The following UTRN variants were observed in gnomAD, a reference collection of about 807,000 sequenced individuals.
UTRN encodes the protein utrophin, also known as dystrophin-related protein 1.
A neutral mutation model predicts 463.9 loss-of-function variants in UTRN; 283 were observed. The observed-to-expected ratio is 0.61, with a 90% CI of 0.55 to 0.67. The LOEUF (loss-of-function observed/expected upper bound fraction) is 0.67, where lower values mean the gene tolerates loss of function less well. Among genes scored for constraint, UTRN ranks in the 30% least tolerant of loss-of-function variants. UTRN has a pLI of 0.00. For synonymous variants in UTRN, 1,442 were observed against 1,431.5 expected, an observed-to-expected ratio of 1.01 and a Z score of -0.17; for missense variants, 3,922 against 4,084.3, an observed-to-expected ratio of 0.96 and a Z score of 1.08.
chr6:144,602,571 A>G (rs1804372701), intron 51 of UTRN, among the ~76,000 whole-genome samples: 1 of 152,194 alleles, frequency 6.6e-6, no homozygotes. Context: ...ATACTTATTT[A>G]CCCAGTTTTA....
chr6:144,544,788 T>C (rs1414329001), intron 46 of UTRN, among the ~76,000 whole-genome samples: 1 of 152,134 alleles, frequency 6.6e-6, no homozygotes, highest in Non-Finnish European at 1.5e-5. Flanking sequence ...ACTTCCTTCC[T>C]ATTCAGTGAA....
intron 58 of UTRN, among the ~76,000 whole-genome samples, chr6:144,768,095 C>T (rs1234343991): frequency 6.6e-6 from 1 of 152,144 alleles, no homozygotes; most frequent in Non-Finnish European, 1.5e-5. Flanking sequence ...CAAGATTTTA[C>T]CAGCCTATCA....
intron 49 of UTRN, among the ~76,000 whole-genome samples, 198 bp downstream of exon 49, chr6:144,555,091 T>C (rs1408940124): frequency 6.6e-6 from 1 of 152,166 alleles, no homozygotes; most frequent in East Asian, 1.9e-4. Context: ...AGTAAGAATA[T>C]GCATGTCTCC....
In UTRN at chr6:144,526,900, A is replaced by G. The variant is rs545441427; in HGVS notation, c.5906+3712A>G. Among the ~76,000 whole-genome samples the G allele has an allele frequency of 5.9e-5, 9 of 152,106 alleles. No individual in the cohort carries two copies. In the South Asian group the frequency reaches 1.7e-3, roughly 28 times the overall value. ...CAACCTCTGCCTCTCAGGTTCAAGC[A>G]GTTCTCTGCCTCAGCCTCCCATGTA... On this transcript the variant is annotated intron_variant, in intron 41 of 74. Coordinates refer to ENST00000367545, the MANE Select transcript of UTRN (RefSeq NM_007124.3).
At position 144,751,158 on chromosome 6, in the gene UTRN, G is replaced by A. The variant is rs952477227; in HGVS notation, c.8209-648G>A. Among the ~76,000 whole-genome samples, 13 of 152,052 alleles carry A rather than the reference G, an allele frequency of 8.5e-5. 2 individuals carry two copies. Among genetic ancestry groups the A allele is most frequent in the African/African-American group, 2.9e-4 (12 of 41,410 alleles). ...TGTTAAAATCAAGTTGTTGCATTTG[G>A]TGAAAAAATATTAAGGTAGCTATGT... On this transcript the variant is annotated intron_variant, in intron 55 of 74. Coordinates refer to ENST00000367545, the MANE Select transcript of UTRN (RefSeq NM_007124.3).
At chr6:144,316,961 T>C (rs1416996753) in intron 2 of UTRN, among the ~76,000 whole-genome samples, 1 of 152,220 alleles carries the variant, frequency 6.6e-6, no homozygotes, top group Non-Finnish European at 1.5e-5. Flanking sequence ...AGTGGATTGG[T>C]AAGATAAGGC....
intron 61 of UTRN, 139 bp downstream of exon 61, chr6:144,782,262 A>ATGATTTT (rs1775898278): frequency 2.8e-6 from 2 of 708,876 alleles, no homozygotes; most frequent in South Asian, 4.7e-5. Context: ...TTGTTGTTGA[A>ATGATTTT]ACTGAATGAT....
intron 60 of UTRN, among the ~76,000 whole-genome samples, chr6:144,779,515 C>T (rs1338984827): frequency 2.0e-5 from 3 of 152,016 alleles, no homozygotes; most frequent in Non-Finnish European, 2.9e-5. Flanking sequence ...TTAATATTCA[C>T]TAATTGGAAG....
chr6:144,660,497 T>A (rs545410245), intron 51 of UTRN, among the ~76,000 whole-genome samples: 1 of 152,168 alleles, frequency 6.6e-6, no homozygotes, highest in Admixed American at 6.5e-5. Flanking sequence ...GCCTGTCACT[T>A]TTAGAATTCC....
rs1365626165 is a variant in UTRN at position 144,802,659 on chromosome 6, CT to C, written c.9246-369del. On this transcript the variant is annotated intron_variant, in intron 64 of 74. Coordinates refer to ENST00000367545, the MANE Select transcript of UTRN (RefSeq NM_007124.3). The stretch of plus-strand genomic sequence containing the variant: ...TTTGTTACACAGTATTTCTTGATTT[CT>C]TTTTTTTCTAGTGACTAATTTAAAC... Among the ~76,000 whole-genome samples the C allele has an allele frequency of 3.3e-5, 5 of 151,970 alleles. No individual in the cohort carries two copies. The East Asian group carries it at 9.7e-4, about 29-fold the overall frequency.
At chr6:144,583,905 T>C (rs1802214189) in intron 51 of UTRN, among the ~76,000 whole-genome samples, 1 of 152,228 alleles carries the variant, frequency 6.6e-6, no homozygotes, top group Non-Finnish European at 1.5e-5. Context: ...ACCTCTCTGG[T>C]ACTTTGCAGT....
chr6:144,403,335 C>T (rs916008256), intron 3 of UTRN, 151 bp downstream of exon 3: 32 of 693,630 alleles, frequency 4.6e-5, no homozygotes, highest in Non-Finnish European at 5.9e-5. Flanking sequence ...TTTATTCTGT[C>T]CTAAAATATG....
chr6:144,414,282 A>G (rs1784182125), intron 3 of UTRN, among the ~76,000 whole-genome samples: 1 of 152,206 alleles, frequency 6.6e-6, no homozygotes, highest in Non-Finnish European at 1.5e-5. Flanking sequence ...GGTGGAAGAC[A>G]GTGATATTAT....
At chr6:144,804,007 T>C (rs1048450353) in intron 65 of UTRN, among the ~76,000 whole-genome samples, 2 of 152,162 alleles carry the variant, frequency 1.3e-5, no homozygotes, top group African/African-American at 4.8e-5. Context: ...GTTCTTGTTT[T>C]TCCTTTGATT....
At chr6:144,588,441 C>G (rs1562613133) in intron 51 of UTRN, among the ~76,000 whole-genome samples, 2 of 152,122 alleles carry the variant, frequency 1.3e-5, no homozygotes, top group Non-Finnish European at 2.9e-5. Context: ...ATAACTAATA[C>G]ATTCTATAAG....
At chr6:144,424,301 A>T (rs879291660) in intron 6 of UTRN, among the ~76,000 whole-genome samples, 1 of 152,070 alleles carries the variant, frequency 6.6e-6, no homozygotes, top group Non-Finnish European at 1.5e-5. Flanking sequence ...CTTGCCCCCA[A>T]ATTCTGGTGG....
rs112474550 is a variant in UTRN, at chr6:144,316,148, G to A, written c.79+24241G>A. Among the ~76,000 whole-genome samples, 363 of 152,270 alleles carry A rather than the reference G, an allele frequency of 2.4e-3. 5 individuals are homozygous for A. The highest frequency in any genetic ancestry group is 8.4e-3 in the African/African-American group (349 of 41,560). The stretch of plus-strand genomic sequence containing the variant: ...GAGGATTACTTGAGGCCAGGAGTTC[G>A]AGACTAGGCTGGGAAACACAGTGAG... On this transcript the variant is annotated intron_variant, in intron 2 of 74. Coordinates refer to ENST00000367545, the MANE Select transcript of UTRN (RefSeq NM_007124.3).
At chr6:144,758,631 G>T (rs889715060) in intron 58 of UTRN, among the ~76,000 whole-genome samples, 1 of 151,976 alleles carries the variant, frequency 6.6e-6, no homozygotes, top group Admixed American at 6.6e-5. Context: ...TATAAGTTTT[G>T]TATAATTTAC....
chr6:144,611,751 A>G (rs1353231535), intron 51 of UTRN, among the ~76,000 whole-genome samples: 1 of 152,210 alleles, frequency 6.6e-6, no homozygotes, highest in African/African-American at 2.4e-5. Context: ...GGATTAGAAG[A>G]CTTCATATTG....
Sources: gnomAD v4.1 joint callset for allele counts (sites outside exome capture counted in the v4.1 genomes callset) on GRCh38, gnomAD v4.1.1 for gene constraint, MANE v1.5 for transcripts, NCBI Gene and HGNC (gene_info 2026-07-23, HGNC 2026-07-21) for gene names.